The following NUDCD3 variants were observed in gnomAD, a reference collection of about 807,000 sequenced individuals.
The protein encoded by NUDCD3 is NudC domain containing 3, also known as nudC domain-containing protein 3.
Under a neutral mutation model 39.7 loss-of-function variants are expected in NUDCD3, and 13 were observed. The observed-to-expected ratio is 0.33, with a 90% CI of 0.21 to 0.52. The LOEUF (loss-of-function observed/expected upper bound fraction) is 0.52, where lower values mean the gene tolerates loss of function less well. NUDCD3 is among the 20% of genes least tolerant of loss of function. The pLI, the probability that NUDCD3 is intolerant of heterozygous loss-of-function variation, is 0.96. For missense variants in NUDCD3, 453 were observed against 458.1 expected (o/e 0.99, Z 0.10); for synonymous variants, 175 against 172.4 (o/e 1.02, Z -0.12).
intron 4 of NUDCD3, among the ~76,000 whole-genome samples, chr7:44,403,285 T>C (rs990265080): frequency 3.9e-5 from 6 of 152,272 alleles, no homozygotes; most frequent in Non-Finnish European, 4.4e-5. Context: ...CCAAGCCCCA[T>C]TGCTGGAAAC....
intron 2 of NUDCD3, among the ~76,000 whole-genome samples, chr7:44,448,598 T>C (rs1278102972): frequency 6.6e-6 from 1 of 152,160 alleles, no homozygotes; most frequent in African/African-American, 2.4e-5. Flanking sequence ...TCCACTTAGA[T>C]GTGGGAACTG....
chr7:44,426,668 C>T (rs986312133), intron 3 of NUDCD3, among the ~76,000 whole-genome samples: 5 of 150,942 alleles, frequency 3.3e-5, no homozygotes, highest in Admixed American at 6.6e-5. Flanking sequence ...TAGTGGCGGG[C>T]GCCTGTAGTC....
At position 44,489,643 on chromosome 7, in the gene NUDCD3, ATTTCC is replaced by A. The variant is rs376277564; in HGVS notation, c.192+761_192+765del. 3.7e-4 allele frequency among the ~76,000 whole-genome samples: 56 copies of A among 152,238 alleles called. 1 individual carries two copies. Among genetic ancestry groups the A allele is most frequent in the African/African-American group, 1.3e-3 (56 of 41,528 alleles). ...ACTTCACTTCTCAACCATCATTTCT[ATTTCC>A]TTTCTTTACAATGGGCTCCATCAAA... On this transcript the variant is annotated intron_variant, in intron 1 of 5. Transcript: ENST00000355451.
intron 3 of NUDCD3, among the ~76,000 whole-genome samples, chr7:44,416,854 T>C (rs542251935): frequency 1.3e-5 from 2 of 152,232 alleles, no homozygotes; most frequent in African/African-American, 4.8e-5. Flanking sequence ...ACCTGGCTCT[T>C]ATTGGCTGAG....
At chr7:44,391,925 C>T (rs1215842077) in intron 5 of NUDCD3, among the ~76,000 whole-genome samples, 1 of 152,188 alleles carries the variant, frequency 6.6e-6, no homozygotes, top group African/African-American at 2.4e-5. Context: ...CCCTCCTCTA[C>T]CAAAGGTCCC....
intron 3 of NUDCD3, among the ~76,000 whole-genome samples, chr7:44,421,526 T>C (rs1480487433): frequency 1.4e-5 from 2 of 147,590 alleles, no homozygotes; most frequent in Non-Finnish European, 3.0e-5. Flanking sequence ...AATTCTAATC[T>C]CTGATAAAAC....
intron 4 of NUDCD3, among the ~76,000 whole-genome samples, chr7:44,395,378 T>A (rs1269926239): frequency 1.3e-5 from 2 of 152,330 alleles, no homozygotes; most frequent in South Asian, 4.1e-4. Context: ...CGACTTTATA[T>A]TGAACAATTT....
At chr7:44,473,069 T>C (rs965863561) in intron 2 of NUDCD3, among the ~76,000 whole-genome samples, 1 of 152,070 alleles carries the variant, frequency 6.6e-6, no homozygotes, top group Non-Finnish European at 1.5e-5. Flanking sequence ...ACAACTTAAG[T>C]ACACACCCCT....
intron 3 of NUDCD3, among the ~76,000 whole-genome samples, chr7:44,411,545 A>G (rs1439226711): frequency 6.6e-6 from 1 of 152,264 alleles, no homozygotes; most frequent in African/African-American, 2.4e-5. Context: ...GTTATTAGTC[A>G]TGAGGGAAAT....
chr7:44,398,067 G>A (rs891918949), intron 4 of NUDCD3, among the ~76,000 whole-genome samples: 2 of 152,132 alleles, frequency 1.3e-5, no homozygotes, highest in African/African-American at 4.8e-5. Flanking sequence ...AGGGAGGTCT[G>A]ACTTCTCCAC....
At position 44,385,769 on chromosome 7, in the gene NUDCD3, C is replaced by A; in HGVS notation, c.*242G>T. The A allele has an allele frequency of 2.0e-6, 1 of 501,108 alleles. No individual in the cohort carries two copies. The highest frequency in any genetic ancestry group is 3.5e-6 in the Non-Finnish European group (1 of 283,234). The allele number at this position is 501,108 out of a possible 1,614,324, so 31.0% of individuals were successfully genotyped here. On this transcript the variant is annotated 3_prime_UTR_variant, in exon 6 of 6. Transcript: ENST00000355451. ...CAATTTGCTGGGATATCCTCTCCTG[C>A]ATTTCAAACACCTTCACTCAGTGTC...
intron 4 of NUDCD3, 97 bp from the exon 5 acceptor site, chr7:44,392,582 A>T: frequency 9.1e-7 from 1 of 1,099,152 alleles, no homozygotes; most frequent in Non-Finnish European, 1.3e-6. Context: ...GGTGTCCAGG[A>T]TAAGCTCAGG....
intron 2 of NUDCD3, among the ~76,000 whole-genome samples, chr7:44,441,988 C>A (rs900558523): frequency 2.6e-5 from 4 of 152,102 alleles, no homozygotes; most frequent in African/African-American, 9.7e-5. Context: ...ACTCACTGTG[C>A]CCTTGGGTTC....
At chr7:44,480,875 G>A (rs1329570686) in intron 2 of NUDCD3, among the ~76,000 whole-genome samples, 1 of 142,650 alleles carries the variant, frequency 7.0e-6, no homozygotes, top group African/African-American at 2.7e-5. Flanking sequence ...TCAGAAGGCA[G>A]AGGCTGCAGT....
chr7:44,427,036 A>C (rs1338374535), intron 3 of NUDCD3, among the ~76,000 whole-genome samples: 1 of 152,162 alleles, frequency 6.6e-6, no homozygotes, highest in Non-Finnish European at 1.5e-5. Flanking sequence ...CATTTTGTCT[A>C]ATTTGAGTTT....
At chr7:44,481,218 C>T (rs887436533) in intron 2 of NUDCD3, 5 of 152,106 alleles carry the variant, frequency 3.3e-5, no homozygotes, top group Admixed American at 3.3e-4. Context: ...CACGAGGGAC[C>T]AGGAACCAAT....
At chr7:44,411,014 G>A (rs1487934664) in intron 3 of NUDCD3, among the ~76,000 whole-genome samples, 2 of 152,142 alleles carry the variant, frequency 1.3e-5, no homozygotes, top group Non-Finnish European at 2.9e-5. Context: ...ATTGATTTTA[G>A]ACAAGAGTAC....
At chr7:44,433,461 A>ATGTGTGTGGTGCACATGTGCATGCAATG (rs1799405849) in intron 2 of NUDCD3, among the ~76,000 whole-genome samples, 1 of 151,558 alleles carries the variant, frequency 6.6e-6, no homozygotes, top group South Asian at 2.1e-4. Flanking sequence ...TGTGTGGTGT[A>ATGTGTGTGGTGCACATGTGCATGCAATG]TGTGTGTGGT....
chr7:44,438,427 C>T lies in NUDCD3; in HGVS notation c.510-10724G>A, dbSNP rs973035451. Reference sequence around the variant, plus strand: ...GACACAATTATTTCTCAAAAATGTCCTTTTCAGAAGTAGAGAAAACTTGGA... The same window carrying T: ...GACACAATTATTTCTCAAAAATGTCTTTTTCAGAAGTAGAGAAAACTTGGA... On this transcript the variant is annotated intron_variant, in intron 2 of 5. Coordinates refer to ENST00000355451, the MANE Select transcript of NUDCD3 (RefSeq NM_015332.4). 2.0e-5 allele frequency among the ~76,000 whole-genome samples: 3 copies of T among 152,140 alleles called. No individual in the cohort carries two copies. In the East Asian group the frequency reaches 5.8e-4, roughly 29 times the overall value.
Sources: allele counts gnomAD v4.1 joint callset (sites outside exome capture counted in the v4.1 genomes callset), GRCh38; gene constraint gnomAD v4.1.1; transcripts MANE v1.5; gene names NCBI Gene and HGNC (gene_info 2026-07-23, HGNC 2026-07-21).